Variants in NRXN3 observed in about 807,000 individuals in gnomAD.
NRXN3 encodes the protein neurexin III.
Under a neutral mutation model 137.6 loss-of-function variants are expected in NRXN3, and 32 were observed. The ratio of observed to expected loss-of-function variants is 0.23; its 90% CI spans 0.18 to 0.31. NRXN3 has a LOEUF of 0.31. NRXN3 is among the 10% of genes least tolerant of loss of function. The probability of loss-of-function intolerance (pLI) is 1.00; values close to 1 mark genes in which losing one functional copy is unlikely to be tolerated. For synonymous variants in NRXN3, 798 were observed against 784.5 expected, an observed-to-expected ratio of 1.02 and a Z score of -0.29; for missense variants, 1,574 against 2,062.5, an observed-to-expected ratio of 0.76 and a Z score of 4.59.
At chr14:79,119,781 T>G (rs897129040) in intron 15 of NRXN3, among the ~76,000 whole-genome samples, 2 of 152,158 alleles carry the variant, frequency 1.3e-5, no homozygotes, top group African/African-American at 4.8e-5. Context: ...GTTTGATGTA[T>G]TTCCTGTTAT....
chr14:79,131,491 G>A (rs1422480645), intron 15 of NRXN3, among the ~76,000 whole-genome samples: 3 of 152,198 alleles, frequency 2.0e-5, no homozygotes, highest in Non-Finnish European at 4.4e-5. Context: ...AGGCTGCTTG[G>A]GGGTCAGGGG....
At position 79,386,232 on chromosome 14, in the gene NRXN3, C is replaced by T. The variant is rs146590042; in HGVS notation, c.3263-80989C>T. Among the ~76,000 whole-genome samples the T allele has an allele frequency of 8.7e-3, 1,326 of 152,198 alleles. 21 individuals are homozygous for T. Among genetic ancestry groups the T allele is most frequent in the African/African-American group, 0.03 (1,257 of 41,516 alleles). Reference sequence around the variant, plus strand: ...ATCATCTCAGCCCAAAATCTCCTTACGCTGAGAGGCAACTTCAGCAAAGTC... The same window carrying T: ...ATCATCTCAGCCCAAAATCTCCTTATGCTGAGAGGCAACTTCAGCAAAGTC... On this transcript the variant is annotated intron_variant, in intron 15 of 20. Coordinates refer to ENST00000335750, the MANE Select transcript of NRXN3 (RefSeq NM_001330195.2).
intron 16 of NRXN3, among the ~76,000 whole-genome samples, chr14:79,593,125 T>C (rs2097823348): frequency 6.6e-6 from 1 of 152,070 alleles, no homozygotes; most frequent in Non-Finnish European, 1.5e-5. Flanking sequence ...CCCCTTTTCA[T>C]AGAGAATCAT....
At chr14:79,377,964 T>C (rs984436503) in intron 15 of NRXN3, among the ~76,000 whole-genome samples, 3 of 152,222 alleles carry the variant, frequency 2.0e-5, no homozygotes, top group Non-Finnish European at 4.4e-5. Flanking sequence ...ATATTAGTTA[T>C]ACTCTTACAA....
At chr14:79,612,455 C>T (rs1019711825) in intron 16 of NRXN3, among the ~76,000 whole-genome samples, 2 of 152,134 alleles carry the variant, frequency 1.3e-5, no homozygotes, top group African/African-American at 4.8e-5. Context: ...GGACAGCCAG[C>T]CAAAGGGTGG....
At chr14:79,169,909 G>C (rs192260672) in intron 15 of NRXN3, among the ~76,000 whole-genome samples, 25 of 152,156 alleles carry the variant, frequency 1.6e-4, no homozygotes, top group African/African-American at 6.0e-4. Context: ...CCACAGGTGA[G>C]ATTGAGACTA....
At chr14:79,451,203 A>G (rs1358899970) in intron 15 of NRXN3, among the ~76,000 whole-genome samples, 17 of 151,420 alleles carry the variant, frequency 1.1e-4, no homozygotes, top group Admixed American at 1.1e-3. Flanking sequence ...GGATATCACC[A>G]CTATTTCTGA....
At chr14:79,426,790 GAC>G (rs1408603442) in intron 15 of NRXN3, among the ~76,000 whole-genome samples, 1 of 152,168 alleles carries the variant, frequency 6.6e-6, no homozygotes, top group Admixed American at 6.5e-5. Flanking sequence ...AGAGATAAAA[GAC>G]AAACACATAG....
chr14:78,458,930 C>T (rs1409786718), intron 4 of NRXN3, among the ~76,000 whole-genome samples: 2 of 152,200 alleles, frequency 1.3e-5, no homozygotes, highest in African/African-American at 4.8e-5. Flanking sequence ...AGAATAGATA[C>T]AGTCTGAGAC....
intron 1 of NRXN3, among the ~76,000 whole-genome samples, chr14:78,193,321 A>G (rs1412688486): frequency 6.6e-6 from 1 of 152,162 alleles, no homozygotes; most frequent in Non-Finnish European, 1.5e-5. Flanking sequence ...GCAGGTTGGT[A>G]TGGCTTGGCA....
intron 4 of NRXN3, among the ~76,000 whole-genome samples, chr14:78,408,168 C>T (rs2092610140): frequency 1.3e-5 from 2 of 152,110 alleles, no homozygotes; most frequent in Non-Finnish European, 2.9e-5. Flanking sequence ...AGACCATGTC[C>T]AAGTCTTCCC....
chr14:79,349,478 T>C (rs141314264), intron 15 of NRXN3, among the ~76,000 whole-genome samples: 2 of 151,756 alleles, frequency 1.3e-5, no homozygotes, highest in African/African-American at 4.8e-5. Flanking sequence ...CTAGGTTTTT[T>C]ATTCTGAAAG....
rs377020784 is a variant in NRXN3, at chr14:78,774,949, T to A, written c.2045-28671T>A. Among the ~76,000 whole-genome samples, 46 of 151,924 alleles carry A rather than the reference T, an allele frequency of 3.0e-4. No individual in the cohort carries two copies. The East Asian group carries it at 6.2e-3, about 21-fold the overall frequency. ...AAAAAAAAAGAATAAAAAATAGAGG[T>A]TAAATAACTCATGGGTAATGAGTGG... On this transcript the variant is annotated intron_variant, in intron 8 of 20. Transcript: ENST00000335750.
intron 2 of NRXN3, among the ~76,000 whole-genome samples, chr14:78,247,134 C>T (rs181958032): frequency 6.6e-6 from 1 of 152,276 alleles, no homozygotes; most frequent in East Asian, 1.9e-4. Flanking sequence ...TATCTCCAGC[C>T]CCCCTGCGGT....
intron 4 of NRXN3, among the ~76,000 whole-genome samples, chr14:78,363,410 C>G (rs2085426786): frequency 6.6e-6 from 1 of 152,158 alleles, no homozygotes; most frequent in Non-Finnish European, 1.5e-5. Flanking sequence ...TTATTGAGAA[C>G]CTATGACATG....
intron 4 of NRXN3, among the ~76,000 whole-genome samples, chr14:78,566,451 G>A (rs1460065493): frequency 1.3e-5 from 2 of 151,988 alleles, no homozygotes; most frequent in African/African-American, 4.8e-5. Flanking sequence ...CTGAGTAAGG[G>A]AAAGCTAAGA....
intron 15 of NRXN3, among the ~76,000 whole-genome samples, chr14:79,129,939 T>C (rs1219969884): frequency 6.7e-6 from 1 of 149,956 alleles, no homozygotes; most frequent in Non-Finnish European, 1.5e-5. Flanking sequence ...GTAATGGCCT[T>C]CTTTGTCTCT....
intron 16 of NRXN3, among the ~76,000 whole-genome samples, chr14:79,636,556 G>A (rs2098404805): frequency 6.6e-6 from 1 of 152,104 alleles, no homozygotes; most frequent in Non-Finnish European, 1.5e-5. Flanking sequence ...CTAACCCAGG[G>A]CAAAAACACA....
intron 8 of NRXN3, among the ~76,000 whole-genome samples, chr14:78,798,694 G>A (rs1028510925): frequency 6.6e-6 from 1 of 152,218 alleles, no homozygotes; most frequent in Non-Finnish European, 1.5e-5. Context: ...TGCCCCTGGA[G>A]CCCATCTCTG....
Sources: gnomAD v4.1 joint callset for allele counts (sites outside exome capture counted in the v4.1 genomes callset) on GRCh38, gnomAD v4.1.1 for gene constraint, MANE v1.5 for transcripts, NCBI Gene and HGNC (gene_info 2026-07-23, HGNC 2026-07-21) for gene names.